The following MALRD1 variants were observed in gnomAD, a reference collection of about 807,000 sequenced individuals.
MALRD1 encodes the protein MAM and LDL-receptor class A domain-containing protein 1.
In MALRD1, 247 loss-of-function variants were observed where a neutral mutation model predicts 242.1. The observed-to-expected ratio is 1.02, with a 90% CI of 0.92 to 1.13. MALRD1 has a LOEUF of 1.13. MALRD1 is among the 50% of genes most tolerant of loss of function. The pLI, the probability that MALRD1 is intolerant of heterozygous loss-of-function variation, is 0.00. For missense variants in MALRD1, 2,989 were observed against 2,533.1 expected (o/e 1.18, Z -3.86); for synonymous variants, 995 against 866.6 (o/e 1.15, Z -2.60).
At chr10:19,416,102 T>C (rs1833504466) in intron 28 of MALRD1, among the ~76,000 whole-genome samples, 1 of 152,202 alleles carries the variant, frequency 6.6e-6, no homozygotes, top group South Asian at 2.1e-4. Flanking sequence ...AAGTTCCTAT[T>C]ATCATGGATG....
intron 1 of MALRD1, among the ~76,000 whole-genome samples, chr10:19,050,615 T>C (rs1167217845): frequency 1.3e-5 from 2 of 152,178 alleles, no homozygotes; most frequent in African/African-American, 4.8e-5. Context: ...TGTCATGCTG[T>C]TACTACTCAG....
intron 1 of MALRD1, among the ~76,000 whole-genome samples, chr10:19,061,842 G>C (rs947266494): frequency 7.2e-5 from 11 of 152,094 alleles, no homozygotes; most frequent in African/African-American, 2.7e-4. Context: ...CTTAGTAACA[G>C]GAGAAAAGCT....
At chr10:19,690,749 T>C (rs1842783658) in intron 36 of MALRD1, among the ~76,000 whole-genome samples, 1 of 151,844 alleles carries the variant, frequency 6.6e-6, no homozygotes, top group South Asian at 2.1e-4. Flanking sequence ...TATATATACA[T>C]TTAGATAAAT....
intron 32 of MALRD1, among the ~76,000 whole-genome samples, chr10:19,544,583 A>C (rs1835126274): frequency 6.6e-6 from 1 of 151,352 alleles, no homozygotes; most frequent in South Asian, 2.1e-4. Context: ...TTTTTTTCTA[A>C]AGTGGACGAA....
intron 7 of MALRD1, 40 bp from the exon 8 acceptor site, chr10:19,128,181 A>C (rs774850519): frequency 1.1e-4 from 134 of 1,208,858 alleles, no homozygotes; most frequent in Non-Finnish European, 1.3e-4. Flanking sequence ...AAAGAAGCTA[A>C]TGTTTTCCTA....
chr10:19,256,145 C>G (rs1410476794), intron 18 of MALRD1, among the ~76,000 whole-genome samples: 6 of 151,878 alleles, frequency 4.0e-5, no homozygotes, highest in African/African-American at 1.2e-4. Flanking sequence ...GGAGTGAGGC[C>G]AAGTCAATAG....
chr10:19,642,972 T>C (rs919910104), intron 36 of MALRD1, among the ~76,000 whole-genome samples: 9 of 152,192 alleles, frequency 5.9e-5, no homozygotes, highest in Non-Finnish European at 1.2e-4. Flanking sequence ...TTATTCACAC[T>C]ATGACTTAAT....
intron 31 of MALRD1, among the ~76,000 whole-genome samples, chr10:19,502,070 A>G (rs1359771061): frequency 6.6e-6 from 1 of 151,852 alleles, no homozygotes; most frequent in African/African-American, 2.4e-5. Context: ...AGTAACAGGA[A>G]CTGTACCTGA....
intron 1 of MALRD1, among the ~76,000 whole-genome samples, chr10:19,050,748 G>C (rs764836641): frequency 1.3e-5 from 2 of 152,186 alleles, no homozygotes; most frequent in Non-Finnish European, 2.9e-5. Context: ...AGCCCTTACT[G>C]TTCCTTGATG....
At chr10:19,391,709 G>T (rs1320344979) in intron 28 of MALRD1, among the ~76,000 whole-genome samples, 8 of 151,996 alleles carry the variant, frequency 5.3e-5, no homozygotes, top group Non-Finnish European at 8.8e-5. Flanking sequence ...CTCCCACAAT[G>T]ATTCCTTTTC....
intron 29 of MALRD1, among the ~76,000 whole-genome samples, chr10:19,476,893 A>G (rs534143701): frequency 6.6e-6 from 1 of 151,830 alleles, no homozygotes; most frequent in Admixed American, 6.6e-5. Context: ...TACGCTTCCA[A>G]ACTCTCCATC....
At chr10:19,316,075 T>G (rs1352643184) in intron 21 of MALRD1, among the ~76,000 whole-genome samples, 1 of 150,672 alleles carries the variant, frequency 6.6e-6, no homozygotes, top group Non-Finnish European at 1.5e-5. Context: ...CCTTAGTAAA[T>G]TTACGTAATT....
intron 18 of MALRD1, among the ~76,000 whole-genome samples, chr10:19,217,988 A>G (rs1837396327): frequency 6.6e-6 from 1 of 152,166 alleles, no homozygotes; most frequent in Middle Eastern, 3.4e-3. Context: ...ACTCCTAATT[A>G]GTAGATAGAA....
chr10:19,421,333 C>G (rs766714577), intron 28 of MALRD1, among the ~76,000 whole-genome samples: 5 of 152,152 alleles, frequency 3.3e-5, no homozygotes, highest in Non-Finnish European at 5.9e-5. Flanking sequence ...CGCTCTGATT[C>G]TAAGCACTGA....
At chr10:19,281,059 C>T (rs1269763677) in intron 20 of MALRD1, among the ~76,000 whole-genome samples, 1 of 152,058 alleles carries the variant, frequency 6.6e-6, no homozygotes, top group Non-Finnish European at 1.5e-5. Context: ...CTTAAGAAAT[C>T]CAGTGAGGTT....
intron 19 of MALRD1, among the ~76,000 whole-genome samples, chr10:19,264,102 T>C (rs1038816360): frequency 6.6e-6 from 1 of 152,190 alleles, no homozygotes; most frequent in African/African-American, 2.4e-5. Context: ...TTAGGGAGCA[T>C]TTCTTCTATT....
chr10:19,714,367 G>A (rs1834281023), intron 38 of MALRD1, among the ~76,000 whole-genome samples: 1 of 152,120 alleles, frequency 6.6e-6, no homozygotes, highest in African/African-American at 2.4e-5. Flanking sequence ...CGTTCAGCTG[G>A]TCAGCCTGCC....
chr10:19,222,553 A>G (rs1348688687), intron 18 of MALRD1, among the ~76,000 whole-genome samples: 1 of 152,324 alleles, frequency 6.6e-6, no homozygotes, highest in South Asian at 2.1e-4. Flanking sequence ...GTAAATAACT[A>G]TACCATCAAA....
intron 21 of MALRD1, among the ~76,000 whole-genome samples, chr10:19,315,713 A>C (rs1339623979): frequency 7.4e-6 from 1 of 135,906 alleles, no homozygotes; most frequent in East Asian, 2.2e-4. Context: ...ATATTTAATT[A>C]TATATTGCAT....
Sources: allele counts gnomAD v4.1 joint callset (sites outside exome capture counted in the v4.1 genomes callset), GRCh38; gene constraint gnomAD v4.1.1; transcripts MANE v1.5; gene names NCBI Gene and HGNC (gene_info 2026-07-23, HGNC 2026-07-21).